DSCAM: variants seen among roughly 807,000 people sequenced by gnomAD.
DSCAM encodes DS cell adhesion molecule, also known as cell adhesion molecule DSCAM.
In DSCAM, 47 loss-of-function variants were observed where a neutral mutation model predicts 217.7. That is an observed-to-expected ratio of 0.22 (90% confidence interval 0.17 to 0.28). DSCAM has a LOEUF of 0.28. DSCAM is among the 10% of genes least tolerant of loss of function. The pLI is 1.00. For missense variants in DSCAM, 2,080 were observed against 2,618.3 expected, an observed-to-expected ratio of 0.79 and a Z score of 4.49; for synonymous variants, 1,056 against 1,015.3, an observed-to-expected ratio of 1.04 and a Z score of -0.76.
intron 11 of DSCAM, among the ~76,000 whole-genome samples, chr21:40,214,261 G>A (rs1050985144): frequency 2.6e-5 from 4 of 152,176 alleles, no homozygotes; most frequent in Non-Finnish European, 4.4e-5. Context: ...ACTCATGGAC[G>A]TGGGAGCCTG....
At chr21:40,118,256 T>A (rs2089995108) in intron 20 of DSCAM, among the ~76,000 whole-genome samples, 1 of 152,198 alleles carries the variant, frequency 6.6e-6, no homozygotes, top group Non-Finnish European at 1.5e-5. Flanking sequence ...GGAAGGCTTC[T>A]GACTTGGTTT....
intron 3 of DSCAM, among the ~76,000 whole-genome samples, chr21:40,403,741 T>A (rs753043090): frequency 9.2e-5 from 14 of 152,146 alleles, no homozygotes; most frequent in Admixed American, 2.0e-4. Context: ...AAGAAGATAG[T>A]TGAGCCTAAA....
chr21:40,144,719 G>A lies in DSCAM; in HGVS notation c.3031C>T (p.His1011Tyr), dbSNP rs1328402038. Residue 1011 changes from histidine to tyrosine, a missense_variant, in exon 17 of 33, where the codon CAT becomes TAT. Physicochemically the swap from His to Tyr is moderately conservative, Grantham distance 83. Transcript: ENST00000400454. The surrounding 1 kb of genome is among the most constrained non-coding windows in gnomAD (Gnocchi z 4.8). ...CCACGGATAATCCCATTTTGCAAAT[G>A]TTTCTTGGGAGCCTAAACAGGAGAG... ...IRVTWKAPKK[H>Y]LQNGIIRGYQ... 6.2e-7 allele frequency: 1 copy of A among 1,614,092 alleles called. No individual in the cohort carries two copies. Among genetic ancestry groups the A allele is most frequent in the Non-Finnish European group, 8.5e-7 (1 of 1,180,048 alleles).
intron 1 of DSCAM, among the ~76,000 whole-genome samples, chr21:40,820,297 C>T (rs556957874): frequency 9.2e-4 from 140 of 152,264 alleles, no homozygotes; most frequent in African/African-American, 3.3e-3. Context: ...AGAATGAGAT[C>T]ATGTCCTTTG....
At chr21:40,516,595 G>C (rs914323303) in intron 3 of DSCAM, among the ~76,000 whole-genome samples, 1 of 152,182 alleles carries the variant, frequency 6.6e-6, no homozygotes, top group East Asian at 1.9e-4. Context: ...AGGCAGTGGC[G>C]GCCAATGTAC....
At chr21:40,060,844 CTTT>C (rs1052317650) in intron 28 of DSCAM, among the ~76,000 whole-genome samples, 2 of 152,186 alleles carry the variant, frequency 1.3e-5, no homozygotes, top group African/African-American at 4.8e-5. Context: ...TTTCCAGCTT[CTTT>C]GTGTTAAGCA....
intron 1 of DSCAM, among the ~76,000 whole-genome samples, chr21:40,819,819 T>C (rs574400418): frequency 6.6e-6 from 1 of 152,318 alleles, no homozygotes; most frequent in Non-Finnish European, 1.5e-5. Flanking sequence ...AATTTACATC[T>C]TTGATCCTCA....
intron 3 of DSCAM, among the ~76,000 whole-genome samples, chr21:40,518,109 G>T (rs781035323): frequency 6.6e-6 from 1 of 151,314 alleles, no homozygotes; most frequent in African/African-American, 2.4e-5. Flanking sequence ...TCCATGATGG[G>T]TATTAGTGAA....
intron 3 of DSCAM, among the ~76,000 whole-genome samples, chr21:40,376,639 T>A (rs1052690882): frequency 2.0e-5 from 1 of 50,626 alleles, no homozygotes; most frequent in Non-Finnish European, 4.8e-5. Flanking sequence ...ATATATCTTA[T>A]ATAGATATCG....
chr21:40,565,725 TA>T (rs1219213909), intron 3 of DSCAM, among the ~76,000 whole-genome samples: 5 of 152,146 alleles, frequency 3.3e-5, no homozygotes, highest in Non-Finnish European at 5.9e-5. Context: ...CATGCATCCT[TA>T]ACATCACATG....
intron 2 of DSCAM, among the ~76,000 whole-genome samples, chr21:40,696,263 A>G (rs4542939): frequency 0.049 from 7,433 of 152,252 alleles, 577 homozygotes; most frequent in African/African-American, 0.17. Context: ...AACGGGGATC[A>G]GAAGAAAACT....
chr21:40,315,403 C>CAAA (rs72266206), intron 8 of DSCAM, among the ~76,000 whole-genome samples: 4,972 of 121,180 alleles, frequency 0.041, 179 homozygotes, highest in African/African-American at 0.11. Flanking sequence ...AACTCCGTCT[C>CAAA]AAAAAAAAAA....
intron 14 of DSCAM, among the ~76,000 whole-genome samples, chr21:40,182,622 C>CACCAGAGAAACCGTGGACGGGGGGGGTT (rs2090826284): frequency 9.9e-6 from 1 of 100,996 alleles, no homozygotes; most frequent in Non-Finnish European, 1.9e-5. Context: ...CAGAACGGGC[C>CACCAGAGAAACCGTGGACGGGGGGGGTT]ACCAGAGAAA....
intron 3 of DSCAM, among the ~76,000 whole-genome samples, chr21:40,442,401 AT>A (rs1264995959): frequency 1.3e-5 from 2 of 151,076 alleles, no homozygotes; most frequent in African/African-American, 4.8e-5. Context: ...TTTAAATTTA[AT>A]TTTTTTATAT....
At chr21:40,342,014 G>A (rs569505884) in intron 6 of DSCAM, among the ~76,000 whole-genome samples, 1 of 152,192 alleles carries the variant, frequency 6.6e-6, no homozygotes, top group East Asian at 1.9e-4. Context: ...ATGACTAAAC[G>A]CAGGTTGTAT....
At chr21:40,605,651 C>T (rs2089224833) in intron 3 of DSCAM, among the ~76,000 whole-genome samples, 1 of 152,116 alleles carries the variant, frequency 6.6e-6, no homozygotes, top group East Asian at 1.9e-4. Context: ...CCTGTGAGCC[C>T]CATTTTGCTG....
intron 3 of DSCAM, among the ~76,000 whole-genome samples, chr21:40,663,277 G>T (rs1441970826): frequency 7.8e-6 from 1 of 128,788 alleles, no homozygotes; most frequent in South Asian, 2.5e-4. Flanking sequence ...TGGGGGGGGT[G>T]TATATGTGTG....
intron 3 of DSCAM, among the ~76,000 whole-genome samples, chr21:40,448,109 T>C (rs568940407): frequency 2.0e-5 from 3 of 152,340 alleles, no homozygotes; most frequent in African/African-American, 7.2e-5. Context: ...TGTGATGATT[T>C]TGTGTGTGTC....
At position 40,617,323 on chromosome 21, in the gene DSCAM, A is replaced by C. The variant is rs190649688; in HGVS notation, c.508+75487T>G. On this transcript the variant is annotated intron_variant, in intron 3 of 32. Transcript: ENST00000400454. ...GTATTTTTAGTAGAGACGGGGTTTC[A>C]CCATGTTAGCCAGGATGGTCTCGAT... is the stretch of plus-strand genomic sequence containing the variant. Among the ~76,000 whole-genome samples the C allele has an allele frequency of 5.8e-3, 882 of 151,904 alleles. 10 individuals carry two copies. The highest frequency in any genetic ancestry group is 0.019 in the African/African-American group (786 of 41,482).
Sources: allele counts gnomAD v4.1 joint callset (sites outside exome capture counted in the v4.1 genomes callset), GRCh38; gene constraint gnomAD v4.1.1; non-coding constraint Gnocchi (gnomAD v3.1); transcripts MANE v1.5; gene names NCBI Gene and HGNC (gene_info 2026-07-23, HGNC 2026-07-21).